The following CNIH3 variants were observed in gnomAD, a reference collection of about 807,000 sequenced individuals.
CNIH3 encodes protein cornichon homolog 3.
Under a neutral mutation model 24.1 loss-of-function variants are expected in CNIH3, and 14 were observed. The observed-to-expected ratio is 0.58, with a 90% CI of 0.38 to 0.91. The LOEUF (loss-of-function observed/expected upper bound fraction) is 0.91. CNIH3 is among the 40% of genes least tolerant of loss of function. The probability of loss-of-function intolerance (pLI) is 0.00; values close to 1 mark genes in which losing one functional copy is unlikely to be tolerated. For synonymous variants in CNIH3, 68 were observed against 73.8 expected (o/e 0.92, Z 0.40); for missense variants, 178 against 196.8 (o/e 0.90, Z 0.57).
chr1:224,454,400 C>G, intron 1 of CNIH3: 1 of 795,168 alleles, frequency 1.3e-6, no homozygotes, highest in Non-Finnish European at 1.5e-6. Flanking sequence ...ATGTCATAAA[C>G]CATCCAGAGA....
chr1:224,648,325 C>A (rs180828005), intron 1 of CNIH3, among the ~76,000 whole-genome samples: 1 of 151,268 alleles, frequency 6.6e-6, no homozygotes, highest in East Asian at 2.0e-4. Context: ...GCAGGAGAAT[C>A]GCTCAAACCC....
chr1:224,449,969 A>T (rs991888948), intron 1 of CNIH3, among the ~76,000 whole-genome samples: 1 of 151,854 alleles, frequency 6.6e-6, no homozygotes, highest in East Asian at 1.9e-4. Context: ...CAACACACAC[A>T]CACACGTATA....
At chr1:224,466,769 A>G (rs1451248980) in intron 1 of CNIH3, among the ~76,000 whole-genome samples, 1 of 152,104 alleles carries the variant, frequency 6.6e-6, no homozygotes, top group Non-Finnish European at 1.5e-5. Context: ...AGAATTTGAC[A>G]TTTTTTATTT....
At chr1:224,543,696 GC>G (rs1446397024) in intron 2 of CNIH3, among the ~76,000 whole-genome samples, 9 of 152,148 alleles carry the variant, frequency 5.9e-5, no homozygotes, top group African/African-American at 1.7e-4. Flanking sequence ...TGCCAGACTT[GC>G]TTCCTGCCTG....
chr1:224,442,785 C>T lies in CNIH3; in HGVS notation n.203+7923C>T, dbSNP rs149774999. Among the ~76,000 whole-genome samples the T allele has an allele frequency of 1.1e-3, 166 of 152,350 alleles. 1 individual carries two copies. Among genetic ancestry groups the T allele is most frequent in the African/African-American group, 3.8e-3 (160 of 41,578 alleles). Reference sequence around the variant, plus strand: ...CGTGGCTCCAGAGCTGTGTTCTCAACACCTTCATTACATGACTTTTTGGAG... The same window carrying T: ...CGTGGCTCCAGAGCTGTGTTCTCAATACCTTCATTACATGACTTTTTGGAG... On this transcript the variant is annotated intron_variant and non_coding_transcript_variant, in intron 1 of 5. Transcript: ENST00000471578.
At chr1:224,672,429 G>A (rs1177131747) in intron 1 of CNIH3, among the ~76,000 whole-genome samples, 1 of 152,176 alleles carries the variant, frequency 6.6e-6, no homozygotes, top group East Asian at 1.9e-4. Flanking sequence ...CACCAGGTGG[G>A]TGGCTTAAAA....
Position 224,616,992 on chromosome 1 carries a change from C to T in CNIH3, c.-183C>T. The T allele has an allele frequency of 7.1e-7, 1 of 1,415,048 alleles. No individual in the cohort carries two copies. 87.7% of individuals were successfully genotyped at this position (1,415,048 alleles called of 1,614,324 possible). On this transcript the variant is annotated 5_prime_UTR_variant, in exon 1 of 6. Transcript: ENST00000272133. The stretch of plus-strand genomic sequence containing the variant: ...GGGCCGGGTCTGGGGTCGCCGGAGC[C>T]TGCGGGAATCCAGCGCTTATTCGCT...
rs1006095429 is a variant in CNIH3, at chr1:224,616,352, G to GGCAGCGGCAGCGGCAGCGGCAGCA, written c.-818_-817insGGCAGCGGCAGCGGCAGCAGCAGC. The stretch of plus-strand genomic sequence containing the variant: ...AGGCGGCGGCGGCGGCGGCGGCAGC[G>GGCAGCGGCAGCGGCAGCGGCAGCA]GCAGCAGCAGGTGGAGCGAGCTACA... On this transcript the variant is annotated 5_prime_UTR_variant, in exon 1 of 6. Transcript: ENST00000272133. The GGCAGCGGCAGCGGCAGCGGCAGCA allele has an allele frequency of 1.7e-3, 940 of 562,364 alleles. 122 individuals are homozygous for GGCAGCGGCAGCGGCAGCGGCAGCA. The East Asian group carries it at 0.069, about 41-fold the overall frequency. 34.8% of individuals were successfully genotyped at this position (562,364 alleles called of 1,614,324 possible).
chr1:224,605,390 T>A (rs1230628764), intron 3 of CNIH3, among the ~76,000 whole-genome samples: 1 of 152,202 alleles, frequency 6.6e-6, no homozygotes, highest in Non-Finnish European at 1.5e-5. Flanking sequence ...AGGCTGGCTG[T>A]CTTTGCTCAT....
At chr1:224,607,403 G>GA (rs528781836) in intron 3 of CNIH3, among the ~76,000 whole-genome samples, 5 of 152,068 alleles carry the variant, frequency 3.3e-5, no homozygotes, top group Admixed American at 3.3e-4. Context: ...AGAAGAAGAA[G>GA]AAAAAAGGGA....
At chr1:224,725,469 T>G (rs1416768708) in intron 3 of CNIH3, among the ~76,000 whole-genome samples, 1 of 152,208 alleles carries the variant, frequency 6.6e-6, no homozygotes, top group Non-Finnish European at 1.5e-5. Flanking sequence ...ATATTGAGAC[T>G]TATGGGATTA....
chr1:224,538,868 A>G (rs1248703549), downstream of CNIH3, among the ~76,000 whole-genome samples: 2 of 131,016 alleles, frequency 1.5e-5, no homozygotes, highest in Non-Finnish European at 3.1e-5. Context: ...ATGGTGTTTC[A>G]TGTTGCTCAG....
chr1:224,684,934 C>T lies in CNIH3; in HGVS notation c.198+91C>T. ...GAGGCTAGTGAGGCTCTGCCTGCTC[C>T]AGTCCTGTCCACCAGGGAGGCAAAT... On this transcript the variant is annotated intron_variant, in intron 3 of 5. Coordinates refer to ENST00000272133, the MANE Select transcript of CNIH3 (RefSeq NM_152495.2). The surrounding 1 kb of genome is among the most constrained non-coding windows in gnomAD (Gnocchi z 4.2). 3 of 1,233,070 alleles carry T rather than the reference C, an allele frequency of 2.4e-6. No individual in the cohort carries two copies. The highest frequency in any genetic ancestry group is 1.2e-5 in the South Asian group (1 of 83,188). The allele number at this position is 1,233,070 out of a possible 1,614,324, so 76.4% of individuals were successfully genotyped here.
At chr1:224,560,264 C>G (rs1011167168) in intron 3 of CNIH3, among the ~76,000 whole-genome samples, 1 of 152,126 alleles carries the variant, frequency 6.6e-6, no homozygotes, top group African/African-American at 2.4e-5. Flanking sequence ...ATTTCTGGGT[C>G]ACAGGATGAG....
At chr1:224,606,552 G>GT (rs1462423824) in intron 3 of CNIH3, among the ~76,000 whole-genome samples, 1 of 152,074 alleles carries the variant, frequency 6.6e-6, no homozygotes, top group Non-Finnish European at 1.5e-5. Flanking sequence ...GGAGCCTGGA[G>GT]TTTTTATAAA....
chr1:224,612,004 A>C (rs1275355458), upstream of CNIH3, among the ~76,000 whole-genome samples: 1 of 152,254 alleles, frequency 6.6e-6, no homozygotes, highest in Non-Finnish European at 1.5e-5. This position sits in a 1 kb window ranked among gnomAD's most constrained non-coding sequence, Gnocchi z 4.7. Flanking sequence ...AAAACAAGGC[A>C]AAGCAGGACC....
At chr1:224,611,411 TG>T (rs1479269632), upstream of CNIH3, 1 of 152,194 alleles carries the variant, frequency 6.6e-6, no homozygotes, top group African/African-American at 2.4e-5. Flanking sequence ...TTAAAACAAA[TG>T]AGAAGTTTTA....
chr1:224,593,048 G>A (rs1681825760), downstream of CNIH3, among the ~76,000 whole-genome samples: 1 of 152,016 alleles, frequency 6.6e-6, no homozygotes, highest in Non-Finnish European at 1.5e-5. Flanking sequence ...CCATTACTCT[G>A]TCTCCCTGGC....
chr1:224,460,253 C>A (rs1215858600), intron 1 of CNIH3, among the ~76,000 whole-genome samples: 2 of 152,084 alleles, frequency 1.3e-5, no homozygotes, highest in South Asian at 4.2e-4. Context: ...AATTGATATA[C>A]AATACACTGC....
Sources: gnomAD v4.1 joint callset for allele counts (sites outside exome capture counted in the v4.1 genomes callset) on GRCh38, gnomAD v4.1.1 for gene constraint, Gnocchi (gnomAD v3.1) non-coding constraint, MANE v1.5 for transcripts, NCBI Gene and HGNC (gene_info 2026-07-23, HGNC 2026-07-21) for gene names.